Variants in ARSJ observed in about 807,000 individuals in gnomAD.
ARSJ encodes arylsulfatase J.
A neutral mutation model predicts 35.9 loss-of-function variants in ARSJ; 26 were observed. The observed-to-expected ratio is 0.72, with a 90% CI of 0.53 to 1.00. ARSJ has a LOEUF of 1.00. Ranked by LOEUF, ARSJ falls within the 50% of genes least tolerant of loss-of-function variation. ARSJ has a pLI of 0.00. For missense variants in ARSJ, 667 were observed against 723.6 expected (o/e 0.92, Z 0.90); for synonymous variants, 294 against 267.6 (o/e 1.10, Z -0.96).
At chr4:113,973,899 C>T (rs1467305198) in intron 1 of ARSJ, among the ~76,000 whole-genome samples, 1 of 151,984 alleles carries the variant, frequency 6.6e-6, no homozygotes, top group African/African-American at 2.4e-5. Context: ...TTATTATAAA[C>T]CTATAGTAGT....
At chr4:113,929,404 G>C (rs1724284837) in intron 1 of ARSJ, among the ~76,000 whole-genome samples, 1 of 152,084 alleles carries the variant, frequency 6.6e-6, no homozygotes, top group East Asian at 1.9e-4. Context: ...CTCAGACAAA[G>C]GTGGAAAGGC....
chr4:113,903,785 A>G, intron 1 of ARSJ, 110 bp from the exon 2 acceptor site: 1 of 1,368,378 alleles, frequency 7.3e-7, no homozygotes, highest in Non-Finnish European at 9.8e-7. Context: ...TTGTTAAATT[A>G]TAATTGACCC....
rs111776775 is a variant in ARSJ, at chr4:113,976,670, A to G, written c.398+1767T>C. Among the ~76,000 whole-genome samples the G allele has an allele frequency of 5.8e-3, 882 of 152,326 alleles. 3 individuals are homozygous for G. The highest frequency in any genetic ancestry group is 9.7e-3 in the Non-Finnish European group (661 of 68,010). On this transcript the variant is annotated intron_variant, in intron 1 of 1. Coordinates refer to ENST00000315366, the MANE Select transcript of ARSJ (RefSeq NM_024590.4). The stretch of plus-strand genomic sequence containing the variant: ...AAAAGTATTCAAATGTTTAATTCAA[A>G]TAGAAATTTAAATCAAATCACAGTA...
chr4:113,939,702 A>G (rs920061112), intron 1 of ARSJ, among the ~76,000 whole-genome samples: 4 of 152,240 alleles, frequency 2.6e-5, no homozygotes, highest in Middle Eastern at 6.8e-3. Flanking sequence ...GGCTGCATAA[A>G]TGTCTTCTTT....
chr4:113,921,746 T>G (rs1723694315), intron 1 of ARSJ, among the ~76,000 whole-genome samples: 1 of 152,150 alleles, frequency 6.6e-6, no homozygotes, highest in Non-Finnish European at 1.5e-5. Context: ...GCTTTCTTTT[T>G]TGCAAACTGC....
At chr4:113,975,646 T>C (rs1469746299) in intron 1 of ARSJ, among the ~76,000 whole-genome samples, 1 of 152,156 alleles carries the variant, frequency 6.6e-6, no homozygotes. Context: ...TTAGAATCTG[T>C]TGCCACATCA....
At chr4:113,978,415 T>C (rs1344163453) in intron 1 of ARSJ, 22 bp downstream of exon 1, 1 of 1,541,884 alleles carries the variant, frequency 6.5e-7, no homozygotes, top group Non-Finnish European at 8.7e-7. Flanking sequence ...AAGGAATAAA[T>C]ATAAGAAGTA....
chr4:113,917,918 A>T (rs143479863), intron 1 of ARSJ, among the ~76,000 whole-genome samples: 283 of 152,324 alleles, frequency 1.9e-3, no homozygotes, highest in African/African-American at 6.5e-3. Context: ...TACCATGAAG[A>T]TTAAATGAGC....
chr4:113,952,550 C>T (rs374267319), intron 1 of ARSJ, among the ~76,000 whole-genome samples: 4 of 151,948 alleles, frequency 2.6e-5, no homozygotes, highest in African/African-American at 9.7e-5. Context: ...GCGAACTGTT[C>T]CTACAGTCTG....
In ARSJ at chr4:113,902,569, G is replaced by A. The variant is rs755558859; in HGVS notation, c.1505C>T (p.Pro502Leu). 2.5e-6 allele frequency: 4 copies of A among 1,614,140 alleles called. No homozygotes were observed. Among genetic ancestry groups the A allele is most frequent in the Non-Finnish European group, 2.5e-6 (3 of 1,180,032 alleles). Residue 502 changes from proline to leucine, a missense_variant, in exon 2 of 2, where the codon CCA becomes CTA. By Grantham distance (98) the Pro-to-Leu change is moderately conservative. Coordinates refer to ENST00000315366, the MANE Select transcript of ARSJ (RefSeq NM_024590.4). ...GTTAGATAGGTCCACCCTCTCATAT[G>A]GGTCGGCTGTGATGTTGAAAAGCCA... The part of the protein sequence containing the change: ...SVWLFNITAD[P>L]YERVDLSNRY...
Position 113,933,038 on chromosome 4 carries a change from G to A in ARSJ, c.399-29363C>T, listed in dbSNP as rs1724551741. 2.6e-5 allele frequency among the ~76,000 whole-genome samples: 4 copies of A among 151,802 alleles called. 1 individual carries two copies. The Middle Eastern group carries it at 0.014, about 520-fold the overall frequency. On this transcript the variant is annotated intron_variant, in intron 1 of 1. Coordinates refer to ENST00000315366, the MANE Select transcript of ARSJ (RefSeq NM_024590.4). ...ACAAAAAAGGAGACATAACAACTGA[G>A]ACCACAGAAATACAAAGAATATTTC...
At chr4:113,974,019 G>A (rs1409243456) in intron 1 of ARSJ, among the ~76,000 whole-genome samples, 1 of 152,164 alleles carries the variant, frequency 6.6e-6, no homozygotes, top group Non-Finnish European at 1.5e-5. Flanking sequence ...TTATGAAAAG[G>A]TGATGCTGCA....
At chr4:113,975,067 T>A (rs1470461638) in intron 1 of ARSJ, among the ~76,000 whole-genome samples, 1 of 152,062 alleles carries the variant, frequency 6.6e-6, no homozygotes, top group Admixed American at 6.5e-5. Context: ...AAGAGTACCC[T>A]CTCTGTAATT....
chr4:113,949,914 T>C (rs1725751815), intron 1 of ARSJ, among the ~76,000 whole-genome samples: 1 of 152,106 alleles, frequency 6.6e-6, no homozygotes, highest in South Asian at 2.1e-4. Flanking sequence ...TGGCACACAG[T>C]TTGTCTTCCC....
At chr4:113,911,454 A>G (rs749715540) in intron 1 of ARSJ, among the ~76,000 whole-genome samples, 1 of 152,218 alleles carries the variant, frequency 6.6e-6, no homozygotes, top group African/African-American at 2.4e-5. Context: ...AGACCTAGGC[A>G]GGGAGAAGTG....
chr4:113,937,567 G>A (rs528501481), intron 1 of ARSJ, among the ~76,000 whole-genome samples: 81 of 152,138 alleles, frequency 5.3e-4, no homozygotes, highest in African/African-American at 1.6e-3. Context: ...AAGAAATAAA[G>A]TGTATTCGTA....
intron 1 of ARSJ, among the ~76,000 whole-genome samples, chr4:113,924,080 T>A (rs866554223): frequency 1.7e-5 from 2 of 119,918 alleles, no homozygotes; most frequent in African/African-American, 3.9e-5. Context: ...TATATAAATA[T>A]ATATATATAT....
At chr4:113,976,969 C>T (rs1422628414) in intron 1 of ARSJ, among the ~76,000 whole-genome samples, 2 of 152,186 alleles carry the variant, frequency 1.3e-5, no homozygotes, top group Non-Finnish European at 2.9e-5. Flanking sequence ...AAGCCTTGAA[C>T]ATATGCTTTA....
intron 1 of ARSJ, among the ~76,000 whole-genome samples, chr4:113,928,806 A>G (rs1724243300): frequency 6.6e-6 from 1 of 152,142 alleles, no homozygotes. Context: ...TCTGTTTTGC[A>G]AGGCATTGGT....
Sources: gnomAD v4.1 joint callset for allele counts (sites outside exome capture counted in the v4.1 genomes callset) on GRCh38, gnomAD v4.1.1 for gene constraint, MANE v1.5 for transcripts, NCBI Gene and HGNC (gene_info 2026-07-23, HGNC 2026-07-21) for gene names.